The following ENTHD1 variants were observed in gnomAD, a reference collection of about 807,000 sequenced individuals.
ENTHD1 encodes ENTH domain-containing protein 1.
Under a neutral mutation model 39.1 loss-of-function variants are expected in ENTHD1, and 23 were observed. The ratio of observed to expected loss-of-function variants is 0.59; its 90% confidence interval spans 0.42 to 0.83. The LOEUF is 0.83. Among genes scored for constraint, ENTHD1 ranks in the 40% least tolerant of loss-of-function variants. The pLI is 0.00. For missense variants in ENTHD1, 624 were observed against 705.4 expected, an observed-to-expected ratio of 0.88 and a Z score of 1.31; for synonymous variants, 230 against 258.2, an observed-to-expected ratio of 0.89 and a Z score of 1.05.
At chr22:39,774,958 T>C (rs557049222) in intron 5 of ENTHD1, among the ~76,000 whole-genome samples, 1 of 152,302 alleles carries the variant, frequency 6.6e-6, no homozygotes, top group African/African-American at 2.4e-5. Context: ...AATATCCTCT[T>C]CCTCACCCTT....
At chr22:39,877,340 T>A (rs1286070831) in intron 2 of ENTHD1, among the ~76,000 whole-genome samples, 1 of 152,220 alleles carries the variant, frequency 6.6e-6, no homozygotes, top group East Asian at 1.9e-4. Context: ...ACCTGACTTC[T>A]GATCCAAAAT....
intron 5 of ENTHD1, among the ~76,000 whole-genome samples, chr22:39,810,792 G>C (rs1185141956): frequency 6.6e-6 from 1 of 152,128 alleles, no homozygotes; most frequent in Non-Finnish European, 1.5e-5. Flanking sequence ...ATAGTATATA[G>C]GTGTCAACCT....
At chr22:39,812,918 G>A (rs1427561374) in intron 5 of ENTHD1, among the ~76,000 whole-genome samples, 2 of 152,166 alleles carry the variant, frequency 1.3e-5, no homozygotes, top group Non-Finnish European at 2.9e-5. Flanking sequence ...GAGTACCTGG[G>A]ATTACAGGTG....
chr22:39,768,194 A>G (rs185409600), intron 5 of ENTHD1, among the ~76,000 whole-genome samples: 44 of 152,228 alleles, frequency 2.9e-4, no homozygotes, highest in Non-Finnish European at 5.0e-4. Context: ...TTCCTCTCCA[A>G]TTCAATTACT....
chr22:39,884,286 C>G (rs1340316661), intron 2 of ENTHD1, among the ~76,000 whole-genome samples: 1 of 151,958 alleles, frequency 6.6e-6, no homozygotes, highest in Non-Finnish European at 1.5e-5. Context: ...TCAAGCAATT[C>G]TCGTGCCTCA....
intron 4 of ENTHD1, among the ~76,000 whole-genome samples, chr22:39,834,123 A>G (rs572609025): frequency 6.6e-6 from 1 of 152,268 alleles, no homozygotes; most frequent in South Asian, 2.1e-4. Flanking sequence ...ATGATTTTCA[A>G]AAACTGAAAA....
chr22:39,829,825 T>TAAATAAATAAATAAATAAAA lies in ENTHD1; in HGVS notation c.711+6014_711+6015insTTTTATTTATTTATTTATTT, dbSNP rs1320866748. Among the ~76,000 whole-genome samples the TAAATAAATAAATAAATAAAA allele has an allele frequency of 4.0e-5, 6 of 151,340 alleles. No individual in the cohort carries two copies. The South Asian group carries it at 6.3e-4, about 16-fold the overall frequency. ...ATAAATAAATAAATAAATAAATAAA[T>TAAATAAATAAATAAATAAAA]AAAATAATTTTTGACTTAATGTCTT... On this transcript the variant is annotated intron_variant, in intron 4 of 6. Coordinates refer to ENST00000325157, the MANE Select transcript of ENTHD1 (RefSeq NM_152512.4).
intron 3 of ENTHD1, among the ~76,000 whole-genome samples, chr22:39,846,483 T>A (rs912625033): frequency 6.6e-6 from 1 of 152,346 alleles, no homozygotes; most frequent in Admixed American, 6.5e-5. Flanking sequence ...AGAAGCTCTT[T>A]AGTTTAATTA....
At position 39,857,665 on chromosome 22, in the gene ENTHD1, C is replaced by T. The variant is rs145719693; in HGVS notation, c.592+4100G>A. 6.2e-4 allele frequency among the ~76,000 whole-genome samples: 94 copies of T among 152,098 alleles called. 1 individual carries two copies. The Middle Eastern group carries it at 0.014, about 22-fold the overall frequency. ...ATACAGGCACACCTTGAAGATACTG[C>T]GGTGGGCTGGGTTCCAGATTACTGC... is the stretch of plus-strand genomic sequence containing the variant. On this transcript the variant is annotated intron_variant, in intron 3 of 6. Coordinates refer to ENST00000325157, the MANE Select transcript of ENTHD1 (RefSeq NM_152512.4).
chr22:39,887,645 G>C lies in ENTHD1; in HGVS notation c.104C>G (p.Ser35Cys). 6.2e-7 allele frequency: 1 copy of C among 1,614,080 alleles called. No individual in the cohort carries two copies. Among genetic ancestry groups the C allele is most frequent in the Admixed American group, 1.7e-5 (1 of 60,018 alleles). ...CAAGTCACTGATATCTAACATCAGA[G>C]AACTAGAGGGACCCCAAGGGTCGTT... ...TSNDPWGPSS[S>C]LMLDISDLTF... The change falls in exon 2 of 7, where the codon TCT (serine) becomes TGT (cysteine). Residue 35 changes from serine (S) to cysteine (C), a missense_variant. Ser to Cys is a moderately radical substitution (Grantham distance 112, BLOSUM62 -1). Transcript: ENST00000325157.
chr22:39,819,218 A>G (rs1268147925), intron 5 of ENTHD1, among the ~76,000 whole-genome samples: 1 of 151,996 alleles, frequency 6.6e-6, no homozygotes, highest in Non-Finnish European at 1.5e-5. Flanking sequence ...TACAAAAATT[A>G]GCCAGGCATG....
At chr22:39,815,742 A>G (rs1033348777) in intron 5 of ENTHD1, among the ~76,000 whole-genome samples, 13 of 152,356 alleles carry the variant, frequency 8.5e-5, no homozygotes, top group African/African-American at 1.9e-4. Context: ...TGAGGATAGT[A>G]TTCCACAGAA....
At chr22:39,840,760 T>G (rs757561839) in intron 3 of ENTHD1, among the ~76,000 whole-genome samples, 5 of 119,128 alleles carry the variant, frequency 4.2e-5, no homozygotes, top group Non-Finnish European at 9.0e-5. Flanking sequence ...GTTAAGCATC[T>G]TTTTTTTTTT....
intron 5 of ENTHD1, among the ~76,000 whole-genome samples, chr22:39,803,035 T>A (rs1209950076): frequency 6.6e-6 from 1 of 152,132 alleles, no homozygotes; most frequent in Non-Finnish European, 1.5e-5. Context: ...CAATTTATCC[T>A]CCCCAATTTG....
chr22:39,749,814 G>A (rs896754790), intron 6 of ENTHD1, among the ~76,000 whole-genome samples: 1 of 152,214 alleles, frequency 6.6e-6, no homozygotes, highest in Non-Finnish European at 1.5e-5. Flanking sequence ...ATGCCGCCTA[G>A]GGAGTTACCC....
intron 6 of ENTHD1, among the ~76,000 whole-genome samples, chr22:39,761,050 T>C (rs1318971770): frequency 6.6e-6 from 1 of 152,140 alleles, no homozygotes; most frequent in Non-Finnish European, 1.5e-5. Context: ...CCAGTGCTCA[T>C]CATTTGTTTC....
chr22:39,756,295 C>G (rs933356747), intron 6 of ENTHD1, among the ~76,000 whole-genome samples: 5 of 146,382 alleles, frequency 3.4e-5, no homozygotes, highest in African/African-American at 1.0e-4. Context: ...CTGTCTCTCT[C>G]TCTCTCTCTC....
At chr22:39,884,613 T>C (rs1425005313) in intron 2 of ENTHD1, among the ~76,000 whole-genome samples, 1 of 151,554 alleles carries the variant, frequency 6.6e-6, no homozygotes, top group Non-Finnish European at 1.5e-5. Flanking sequence ...TTTTAAAACT[T>C]ACTACAAAGC....
At chr22:39,749,348 A>G (rs1304146801) in intron 6 of ENTHD1, among the ~76,000 whole-genome samples, 1 of 152,234 alleles carries the variant, frequency 6.6e-6, no homozygotes, top group African/African-American at 2.4e-5. Flanking sequence ...TTTGCACACC[A>G]ATTAATGTTG....
Sources: gnomAD v4.1 joint callset for allele counts (sites outside exome capture counted in the v4.1 genomes callset) on GRCh38, gnomAD v4.1.1 for gene constraint, MANE v1.5 for transcripts, NCBI Gene and HGNC (gene_info 2026-07-23, HGNC 2026-07-21) for gene names.